The following CCDC63 variants were observed in gnomAD, a reference collection of about 807,000 sequenced individuals.
The protein encoded by CCDC63 is coiled-coil domain-containing protein 63.
In CCDC63, 54 loss-of-function variants were observed where a neutral mutation model predicts 63.6. That is an observed-to-expected ratio of 0.85 (90% CI 0.68 to 1.07). The LOEUF (loss-of-function observed/expected upper bound fraction) is 1.07. CCDC63 is among the 50% of genes least tolerant of loss of function. The pLI, the probability that CCDC63 is intolerant of heterozygous loss-of-function variation, is 0.00. For synonymous variants in CCDC63, 253 were observed against 266.1 expected, an observed-to-expected ratio of 0.95 and a Z score of 0.48; for missense variants, 637 against 689.6, an observed-to-expected ratio of 0.92 and a Z score of 0.86.
chr12:110,867,323 C>G (rs1204304489), intron 4 of CCDC63, among the ~76,000 whole-genome samples: 73 of 105,080 alleles, frequency 6.9e-4, no homozygotes, highest in Non-Finnish European at 1.2e-3. Context: ...CCTCACCTCC[C>G]AGACGGGGCG....
rs1166541741 is a variant in CCDC63, at chr12:110,873,906, A to G, written c.434A>G (p.Asn145Ser). 5 of 1,613,076 alleles carry G rather than the reference A, an allele frequency of 3.1e-6. No homozygotes were observed. Among genetic ancestry groups the G allele is most frequent in the Non-Finnish European group, 4.2e-6 (5 of 1,179,844 alleles). The change falls in exon 5 of 12, where the codon AAT becomes AGT. Residue 145 changes from asparagine (N) to serine (S), a missense_variant. By Grantham distance (46) the Asn-to-Ser change is conservative. Coordinates refer to ENST00000308208, the MANE Select transcript of CCDC63 (RefSeq NM_152591.3). ...KQIFAKMQEA[N>S]NPRKLQKQIH... The stretch of plus-strand genomic sequence containing the variant: ...ATTTTCGCAAAAATGCAGGAGGCCA[A>G]TAACCCCCGGAAACTGCAGAAACAG...
chr12:110,846,631 G>A (rs2070639998), upstream of CCDC63: 1 of 152,198 alleles, frequency 6.6e-6, no homozygotes, highest in Admixed American at 6.5e-5. Flanking sequence ...ACCTAGCAGG[G>A]CTGCTGTGAG....
chr12:110,879,798 C>T, intron 5 of CCDC63, 108 bp from the exon 6 acceptor site: 1 of 1,059,376 alleles, frequency 9.4e-7, no homozygotes, highest in Non-Finnish European at 1.4e-6. Context: ...CTCCATGGCC[C>T]TTGCGTATGA....
intron 4 of CCDC63, among the ~76,000 whole-genome samples, chr12:110,873,134 G>A (rs1001104822): frequency 2.0e-5 from 3 of 152,202 alleles, no homozygotes; most frequent in African/African-American, 7.2e-5. Flanking sequence ...TACTCGAGAC[G>A]CTAAGGTAGG....
intron 3 of CCDC63, among the ~76,000 whole-genome samples, chr12:110,856,846 T>TTC (rs1491009382): frequency 1.2e-4 from 4 of 32,902 alleles, no homozygotes; most frequent in African/African-American, 2.5e-4. Context: ...TTTCCTTTCT[T>TTC]TTTTTTTTTT....
intron 4 of CCDC63, among the ~76,000 whole-genome samples, chr12:110,869,640 G>C (rs2071037796): frequency 1.3e-5 from 2 of 152,172 alleles, no homozygotes; most frequent in Non-Finnish European, 2.9e-5. Flanking sequence ...TGCCTCATAT[G>C]AGAAACTATG....
Position 110,873,912 on chromosome 12 carries a change from C to T in CCDC63, c.440C>T (p.Pro147Leu), listed in dbSNP as rs764130437. The T allele has an allele frequency of 6.8e-6, 11 of 1,612,274 alleles. No individual in the cohort carries two copies. The South Asian group carries it at 1.2e-4, about 18-fold the overall frequency. Reference protein sequence around the residue: ...IFAKMQEANNPRKLQKQIHIL... With the variant: ...IFAKMQEANNLRKLQKQIHIL... ...GCAAAAATGCAGGAGGCCAATAACC[C>T]CCGGAAACTGCAGAAACAGATTCAC... is the stretch of plus-strand genomic sequence containing the variant. Residue 147 changes from proline (P) to leucine (L), a missense_variant, in exon 5 of 12, where the codon CCC (proline) becomes CTC (leucine). Pro to Leu is a moderately conservative substitution (Grantham distance 98). Transcript: ENST00000308208.
chr12:110,905,141 C>T (rs2071542244), intron 11 of CCDC63, among the ~76,000 whole-genome samples: 1 of 152,110 alleles, frequency 6.6e-6, no homozygotes, highest in Admixed American at 6.5e-5. Context: ...AGTTCCCAGA[C>T]TCAGTGTCTC....
chr12:110,871,478 A>G (rs1393112676), intron 4 of CCDC63, among the ~76,000 whole-genome samples: 1 of 148,238 alleles, frequency 6.7e-6, no homozygotes, highest in African/African-American at 2.5e-5. Flanking sequence ...CCCAAAAACC[A>G]TAACACTCCT....
chr12:110,854,497 G>T (rs190122108), intron 3 of CCDC63, among the ~76,000 whole-genome samples: 2 of 151,834 alleles, frequency 1.3e-5, no homozygotes, highest in Admixed American at 6.6e-5. Context: ...ATTTCACCAC[G>T]TTGGCCAGGC....
intron 10 of CCDC63, among the ~76,000 whole-genome samples, chr12:110,903,299 G>A (rs933197014): frequency 6.6e-6 from 1 of 152,276 alleles, no homozygotes; most frequent in South Asian, 2.1e-4. Context: ...CATTGTGCCC[G>A]GCCTGGATGG....
intron 1 of CCDC63, among the ~76,000 whole-genome samples, chr12:110,849,800 A>G (rs1377398802): frequency 3.3e-5 from 5 of 151,930 alleles, no homozygotes; most frequent in Non-Finnish European, 7.4e-5. Flanking sequence ...CGCCCGGCCC[A>G]AGTTCTCACT....
At chr12:110,858,920 A>C in intron 4 of CCDC63, 145 bp downstream of exon 4, 1 of 652,124 alleles carries the variant, frequency 1.5e-6, no homozygotes, top group Non-Finnish European at 2.6e-6. Context: ...GACTGCTGCT[A>C]TCGTCTCGCT....
intron 10 of CCDC63, among the ~76,000 whole-genome samples, chr12:110,903,908 C>T (rs950114288): frequency 2.0e-5 from 3 of 152,162 alleles, no homozygotes; most frequent in African/African-American, 7.2e-5. Flanking sequence ...TTTAGTGTAA[C>T]CTGGTGTTTC....
intron 8 of CCDC63, among the ~76,000 whole-genome samples, chr12:110,891,085 GT>G (rs1240743343): frequency 1.3e-5 from 2 of 151,852 alleles, no homozygotes; most frequent in Non-Finnish European, 2.9e-5. Flanking sequence ...AGCCTGCTGT[GT>G]TTTTTTAATG....
At chr12:110,883,810 T>G (rs1047618494) in intron 7 of CCDC63, among the ~76,000 whole-genome samples, 8 of 152,092 alleles carry the variant, frequency 5.3e-5, no homozygotes, top group Non-Finnish European at 1.2e-4. Flanking sequence ...TGGCTAATTT[T>G]TGCATTTTTA....
At chr12:110,892,800 C>T (rs1278127058) in intron 8 of CCDC63, among the ~76,000 whole-genome samples, 10 of 148,342 alleles carry the variant, frequency 6.7e-5, no homozygotes, top group Admixed American at 3.4e-4. Flanking sequence ...GCCTAGGCAT[C>T]GCAGCGAGAC....
intron 3 of CCDC63, among the ~76,000 whole-genome samples, chr12:110,855,727 A>C (rs1188079133): frequency 6.6e-6 from 1 of 152,040 alleles, no homozygotes; most frequent in African/African-American, 2.4e-5. Context: ...GATTATAGGC[A>C]TGTGCCACCA....
At chr12:110,853,286 G>T in intron 2 of CCDC63, 119 bp from the exon 3 acceptor site, 2 of 987,876 alleles carry the variant, frequency 2.0e-6, no homozygotes. Context: ...CCAAGGGAAG[G>T]TCTTCCACTT....
Sources: gnomAD v4.1 joint callset for allele counts (sites outside exome capture counted in the v4.1 genomes callset) on GRCh38, gnomAD v4.1.1 for gene constraint, MANE v1.5 for transcripts, NCBI Gene and HGNC (gene_info 2026-07-23, HGNC 2026-07-21) for gene names.